SLC35D1: variants seen among roughly 807,000 people sequenced by gnomAD.
SLC35D1 encodes the protein solute carrier family 35 member D1, also known as nucleotide sugar transporter SLC35D1.
SLC35D1 carries 31 observed loss-of-function variants against 46.7 expected under a neutral mutation model. The ratio of observed to expected loss-of-function variants is 0.66; its 90% CI spans 0.50 to 0.90. SLC35D1 has a LOEUF of 0.90. Among genes scored for constraint, SLC35D1 ranks in the 40% least tolerant of loss-of-function variants. SLC35D1 has a pLI of 0.00. For missense variants in SLC35D1, 397 were observed against 426.2 expected, an observed-to-expected ratio of 0.93 and a Z score of 0.60; for synonymous variants, 195 against 164.6, an observed-to-expected ratio of 1.18 and a Z score of -1.41.
At chr1:67,006,794 T>C (rs1341015491) in intron 11 of SLC35D1, among the ~76,000 whole-genome samples, 1 of 152,168 alleles carries the variant, frequency 6.6e-6, no homozygotes, top group African/African-American at 2.4e-5. Context: ...GGTTTCCAAT[T>C]TCAAATTTTG....
intron 8 of SLC35D1, among the ~76,000 whole-genome samples, chr1:67,026,205 G>T (rs1667910919): frequency 6.6e-6 from 1 of 152,070 alleles, no homozygotes; most frequent in Non-Finnish European, 1.5e-5. Context: ...CTAGTTTATT[G>T]AGAATTTTAC....
At chr1:67,017,689 A>T (rs2815353) in intron 10 of SLC35D1, among the ~76,000 whole-genome samples, 3 of 152,146 alleles carry the variant, frequency 2.0e-5, no homozygotes, top group Admixed American at 2.0e-4. Flanking sequence ...TACTCCAGAC[A>T]TTAACCTTGG....
intron 8 of SLC35D1, among the ~76,000 whole-genome samples, chr1:67,023,464 G>A (rs1667852379): frequency 6.7e-6 from 1 of 149,982 alleles, no homozygotes; most frequent in Non-Finnish European, 1.5e-5. Flanking sequence ...CTTTGGTGAA[G>A]TGTCTGTCTA....
At chr1:66,975,897 C>T in the SLC35D1 span, among the ~76,000 whole-genome samples, 4 of 152,228 alleles carry the variant, frequency 2.6e-5, no homozygotes, top group African/African-American at 4.8e-5. Context: ...TTTAAAGATA[C>T]GCTCCCTAGG....
At chr1:66,994,720 A>C (rs1387513473), downstream of SLC35D1, among the ~76,000 whole-genome samples, 5 of 152,142 alleles carry the variant, frequency 3.3e-5, no homozygotes, top group Non-Finnish European at 7.4e-5. Context: ...TGGATTATTA[A>C]ATTTTTAAAT....
intron 8 of SLC35D1, among the ~76,000 whole-genome samples, chr1:67,035,861 C>T (rs1330102780): frequency 6.9e-6 from 1 of 144,382 alleles, no homozygotes; most frequent in Non-Finnish European, 1.5e-5. Flanking sequence ...CCTCTCAGTA[C>T]TGTTTTTGCT....
chr1:66,982,478 G>A, the SLC35D1 span, among the ~76,000 whole-genome samples: 1 of 152,214 alleles, frequency 6.6e-6, no homozygotes, highest in Non-Finnish European at 1.5e-5. Context: ...GGTTCAGATA[G>A]TGTTTCCGTT....
intron 8 of SLC35D1, among the ~76,000 whole-genome samples, chr1:67,028,110 T>C (rs537254325): frequency 2.0e-5 from 3 of 151,646 alleles, no homozygotes; most frequent in African/African-American, 4.8e-5. Context: ...ATGAATTATT[T>C]AGAGGTGTGC....
chr1:66,979,763 C>CTT, the SLC35D1 span, among the ~76,000 whole-genome samples: 892 of 138,708 alleles, frequency 6.4e-3, 7 homozygotes, highest in African/African-American at 0.021. Context: ...TTTGCCTTGG[C>CTT]TTTTTTTTTT....
At chr1:67,049,716 A>T (rs1645287502) in intron 6 of SLC35D1, 66 bp downstream of exon 6, 1 of 1,386,088 alleles carries the variant, frequency 7.2e-7, no homozygotes, top group Admixed American at 1.8e-5. Flanking sequence ...GTTATTGATA[A>T]GCAATCATTT....
chr1:67,052,455 A>C (rs755769372), intron 3 of SLC35D1, among the ~76,000 whole-genome samples: 2 of 152,212 alleles, frequency 1.3e-5, no homozygotes, highest in African/African-American at 2.4e-5. Flanking sequence ...GTATAAAATA[A>C]GCCCAAAGAA....
At chr1:67,006,022 C>A (rs1026115313) in intron 11 of SLC35D1, among the ~76,000 whole-genome samples, 2 of 152,076 alleles carry the variant, frequency 1.3e-5, no homozygotes, top group Non-Finnish European at 2.9e-5. Flanking sequence ...GTCTTTCCCC[C>A]CCTTTCTGTG....
chr1:66,973,690 G>A, the SLC35D1 span, among the ~76,000 whole-genome samples: 82 of 152,202 alleles, frequency 5.4e-4, no homozygotes, highest in Admixed American at 1.2e-3. Context: ...ATAGAAAAAT[G>A]TGTTGTTTCC....
chr1:67,050,866 A>G (rs868459288), intron 4 of SLC35D1, among the ~76,000 whole-genome samples: 1 of 152,172 alleles, frequency 6.6e-6, no homozygotes, highest in African/African-American at 2.4e-5. Flanking sequence ...CATCTATGAA[A>G]ATCTTACCCC....
chr1:67,035,386 G>A (rs1272289273), intron 8 of SLC35D1, among the ~76,000 whole-genome samples: 1 of 152,122 alleles, frequency 6.6e-6, no homozygotes, highest in Non-Finnish European at 1.5e-5. Flanking sequence ...TTACTGGTCT[G>A]TTCAGGTTTT....
chr1:67,051,742 C>T (rs538600678), intron 4 of SLC35D1, among the ~76,000 whole-genome samples: 11 of 152,212 alleles, frequency 7.2e-5, no homozygotes, highest in African/African-American at 2.4e-4. Flanking sequence ...AATTTCCTAT[C>T]ATAGCATTTT....
At chr1:67,017,233 C>A (rs1265563179) in intron 10 of SLC35D1, among the ~76,000 whole-genome samples, 2 of 152,024 alleles carry the variant, frequency 1.3e-5, no homozygotes, top group Non-Finnish European at 2.9e-5. Flanking sequence ...ATAAATTAAT[C>A]CTACTATGAT....
At chr1:67,033,854 T>C (rs1668070957) in intron 8 of SLC35D1, among the ~76,000 whole-genome samples, 1 of 152,210 alleles carries the variant, frequency 6.6e-6, no homozygotes, top group South Asian at 2.1e-4. Context: ...TATGATTTGA[T>C]TTTTGTCCAA....
chr1:67,049,289 G>A (rs533810128), intron 6 of SLC35D1, among the ~76,000 whole-genome samples: 12 of 148,152 alleles, frequency 8.1e-5, no homozygotes, highest in South Asian at 2.1e-4. Context: ...GCAAGACTCC[G>A]TCTCAAAAAA....
Sources: gnomAD v4.1 joint callset for allele counts (sites outside exome capture counted in the v4.1 genomes callset) on GRCh38, gnomAD v4.1.1 for gene constraint, MANE v1.5 for transcripts, NCBI Gene and HGNC (gene_info 2026-07-23, HGNC 2026-07-21) for gene names.